The following TAFA1 variants were observed in gnomAD, a reference collection of about 807,000 sequenced individuals.
TAFA1 encodes the protein chemokine-like protein TAFA-1.
A neutral mutation model predicts 18.5 loss-of-function variants in TAFA1; 4 were observed. That is an observed-to-expected ratio of 0.22 (90% confidence interval 0.11 to 0.49). The LOEUF (loss-of-function observed/expected upper bound fraction) is 0.49, where lower values mean the gene tolerates loss of function less well. Among genes scored for constraint, TAFA1 ranks in the 20% least tolerant of loss-of-function variants. TAFA1 has a pLI of 0.98. For synonymous variants in TAFA1, 56 were observed against 55.2 expected, an observed-to-expected ratio of 1.01 and a Z score of -0.06; for missense variants, 147 against 169.0, an observed-to-expected ratio of 0.87 and a Z score of 0.72.
At chr3:68,307,134 C>T (rs1011243332) in intron 2 of TAFA1, among the ~76,000 whole-genome samples, 1 of 152,086 alleles carries the variant, frequency 6.6e-6, no homozygotes, top group Admixed American at 6.6e-5. Flanking sequence ...TGCCCTAGCC[C>T]ATAGCAGTGT....
intron 2 of TAFA1, among the ~76,000 whole-genome samples, chr3:68,109,578 G>A (rs993027310): frequency 2.0e-5 from 3 of 152,170 alleles, no homozygotes; most frequent in Non-Finnish European, 1.5e-5. Flanking sequence ...CTGAAATGAT[G>A]AGTGAAGGCC....
At chr3:68,396,489 A>G (rs2070386053) in intron 2 of TAFA1, among the ~76,000 whole-genome samples, 1 of 152,218 alleles carries the variant, frequency 6.6e-6, no homozygotes, top group Non-Finnish European at 1.5e-5. Context: ...ATGGACTTCT[A>G]TACTATATCT....
At chr3:68,101,350 G>A (rs1046213624) in intron 2 of TAFA1, among the ~76,000 whole-genome samples, 4 of 151,306 alleles carry the variant, frequency 2.6e-5, no homozygotes, top group Non-Finnish European at 4.4e-5. Context: ...TGTGCACAAC[G>A]TGCAGGCTTG....
intron 2 of TAFA1, among the ~76,000 whole-genome samples, chr3:68,412,129 T>A (rs1396769492): frequency 6.6e-6 from 1 of 152,304 alleles, no homozygotes; most frequent in East Asian, 1.9e-4. Flanking sequence ...AAGGAAGATA[T>A]GGCCTGGGGT....
chr3:68,405,036 C>T (rs1397737314), intron 2 of TAFA1, among the ~76,000 whole-genome samples: 2 of 152,032 alleles, frequency 1.3e-5, no homozygotes, highest in Non-Finnish European at 2.9e-5. Context: ...CTTCATTTAG[C>T]TGGAGAAAAG....
chr3:68,542,185 A>C (rs2106796348), intron 4 of TAFA1, among the ~76,000 whole-genome samples: 1 of 152,288 alleles, frequency 6.6e-6, no homozygotes, highest in Non-Finnish European at 1.5e-5. Context: ...GGAAGTATTC[A>C]CCTTGAAAGG....
chr3:68,391,162 C>T (rs934645850), intron 2 of TAFA1, among the ~76,000 whole-genome samples: 1 of 152,122 alleles, frequency 6.6e-6, no homozygotes, highest in Admixed American at 6.6e-5. Flanking sequence ...TAGAGAAGAA[C>T]ATAAATGACC....
chr3:68,255,930 G>T (rs1278985735), intron 2 of TAFA1, among the ~76,000 whole-genome samples: 34 of 152,018 alleles, frequency 2.2e-4, no homozygotes. Flanking sequence ...TCAATTTACT[G>T]ATAATTTGTG....
chr3:68,334,648 C>G (rs2068940652), intron 2 of TAFA1, among the ~76,000 whole-genome samples: 1 of 152,124 alleles, frequency 6.6e-6, no homozygotes, highest in South Asian at 2.1e-4. Context: ...GCTGCTTGAT[C>G]AGGTACCACA....
chr3:68,160,448 A>G (rs2065911825), intron 2 of TAFA1, among the ~76,000 whole-genome samples: 1 of 152,246 alleles, frequency 6.6e-6, no homozygotes, highest in Non-Finnish European at 1.5e-5. Context: ...ATAGTAGAGC[A>G]TAATGGGCTT....
At chr3:68,019,896 A>C (rs1704650891) in intron 2 of TAFA1, among the ~76,000 whole-genome samples, 1 of 152,198 alleles carries the variant, frequency 6.6e-6, no homozygotes, top group South Asian at 2.1e-4. Flanking sequence ...TTGCTGATCA[A>C]TTACTATATG....
intron 2 of TAFA1, among the ~76,000 whole-genome samples, chr3:68,025,772 A>G (rs983469369): frequency 1.3e-5 from 2 of 152,182 alleles, no homozygotes; most frequent in Admixed American, 6.6e-5. Flanking sequence ...CTGCTCAGAT[A>G]TCACCTCCTC....
At chr3:68,361,799 G>A (rs2069473725) in intron 2 of TAFA1, among the ~76,000 whole-genome samples, 3 of 151,976 alleles carry the variant, frequency 2.0e-5, no homozygotes, top group Admixed American at 6.6e-5. Flanking sequence ...TAATTTACTT[G>A]TGACACAAAA....
chr3:68,337,374 ACAAGGGGGAAATCCTCCCCCATGATC>A (rs1237157072), intron 2 of TAFA1, among the ~76,000 whole-genome samples: 2 of 152,084 alleles, frequency 1.3e-5, no homozygotes, highest in African/African-American at 4.8e-5. Flanking sequence ...CACGAGTAGA[ACAAGGGGGAAATCCTCCCCCATGATC>A]CAATCACCTC....
At chr3:68,329,545 C>T (rs547033263) in intron 2 of TAFA1, among the ~76,000 whole-genome samples, 19 of 152,236 alleles carry the variant, frequency 1.2e-4, no homozygotes, top group African/African-American at 4.3e-4. Context: ...AGTTCAGAGG[C>T]CACAGTTCTT....
At chr3:68,313,657 G>T (rs915012144) in intron 2 of TAFA1, among the ~76,000 whole-genome samples, 1 of 152,220 alleles carries the variant, frequency 6.6e-6, no homozygotes, top group African/African-American at 2.4e-5. Flanking sequence ...TTATCTTTCT[G>T]CAGTGTACAC....
chr3:68,405,278 G>A (rs1311393769), intron 2 of TAFA1, among the ~76,000 whole-genome samples: 1 of 152,026 alleles, frequency 6.6e-6, no homozygotes, highest in African/African-American at 2.4e-5. Flanking sequence ...TTCTTTCTCA[G>A]TATGTATTCC....
intron 3 of TAFA1, among the ~76,000 whole-genome samples, chr3:68,531,681 C>G (rs1192762050): frequency 1.3e-5 from 2 of 152,116 alleles, no homozygotes; most frequent in Non-Finnish European, 2.9e-5. Flanking sequence ...TATGGGGAAG[C>G]TGCTGATCAC....
At chr3:68,153,851 T>A (rs1239909006) in intron 2 of TAFA1, among the ~76,000 whole-genome samples, 1 of 152,196 alleles carries the variant, frequency 6.6e-6, no homozygotes, top group Non-Finnish European at 1.5e-5. Flanking sequence ...GATTGCTGCG[T>A]GAAAAGTTCA....
Sources: allele counts gnomAD v4.1 joint callset (sites outside exome capture counted in the v4.1 genomes callset), GRCh38; gene constraint gnomAD v4.1.1; transcripts MANE v1.5; gene names NCBI Gene and HGNC (gene_info 2026-07-23, HGNC 2026-07-21).